The following MT1HL1 variants were observed in gnomAD, a reference collection of about 807,000 sequenced individuals.
The protein encoded by MT1HL1 is metallothionein 1H like 1.
MT1HL1 carries 2 observed loss-of-function variants against 1.3 expected under a neutral mutation model. The observed-to-expected ratio is 1.56, with a 90% confidence interval of 0.64 to 4.92. MT1HL1 has a LOEUF of 4.92. Among genes scored for constraint, MT1HL1 ranks in the 30% most tolerant of loss-of-function variants. The pLI is 0.06. For synonymous variants in MT1HL1, 32 were observed against 31.0 expected, an observed-to-expected ratio of 1.03 and a Z score of -0.10; for missense variants, 79 against 77.0, an observed-to-expected ratio of 1.03 and a Z score of -0.10.
chr1:237,004,259 G>A lies in MT1HL1; in HGVS notation c.114C>T (p.Pro38=), dbSNP rs772755661. 4 of 1,614,134 alleles carry A rather than the reference G, an allele frequency of 2.5e-6. No homozygotes were observed. The highest frequency in any genetic ancestry group is 4.5e-5 in the East Asian group (2 of 44,860). ...SCKKSCCSCC[P]LGCAKCAQGC... ...CCTGGGCACACTTGGCACAGCCCAG[G>A]GGGCAACAGGAGCAGCAGCTCTTCT... Residue 38 remains proline (P), a synonymous_variant, in exon 1 of 1, where the codon CCC becomes CCT. Transcript: ENST00000464121.
chr1:237,004,203 C>A lies in MT1HL1; in HGVS notation c.170G>T (p.Cys57Phe). ...GCIRKGASEKCSCCA is the reference protein window; with the variant it reads ...GCIRKGASEKFSCCA The stretch of plus-strand genomic sequence containing the variant: ...GTCCCGACATCAGGCACAGCAGCTG[C>A]ACTTTTCCGAAGCCCCTTTGCGGAT... The change falls in exon 1 of 1, where the codon TGC becomes TTC. Residue 57 changes from cysteine to phenylalanine, a missense_variant. Coordinates refer to ENST00000464121, the MANE Select transcript of MT1HL1 (RefSeq NM_001276687.2). 1 of 1,614,142 alleles carries A rather than the reference C, an allele frequency of 6.2e-7. No individual in the cohort carries two copies. The highest frequency in any genetic ancestry group is 8.5e-7 in the Non-Finnish European group (1 of 1,180,052).
rs755299091 is a variant in MT1HL1, at chr1:237,004,416, A to G, written c.-44T>C. On this transcript the variant is annotated 5_prime_UTR_variant, in exon 1 of 1. Coordinates refer to ENST00000464121, the MANE Select transcript of MT1HL1 (RefSeq NM_001276687.2). ...CGGCGTTCCCAAGCGAGAAGAGAAG[A>G]GGCAGTGGAACACGTGGAGGGCGTC... 7 of 1,613,650 alleles carry G rather than the reference A, an allele frequency of 4.3e-6. No individual in the cohort carries two copies. In the Admixed American group the frequency reaches 6.7e-5, roughly 15 times the overall value.
Position 237,004,364 on chromosome 1 carries a change from G to A in MT1HL1, c.9C>T (p.Pro3=), listed in dbSNP as rs1387476197. 6.2e-7 allele frequency: 1 copy of A among 1,613,680 alleles called. No individual in the cohort carries two copies. Among genetic ancestry groups the A allele is most frequent in the Non-Finnish European group, 8.5e-7 (1 of 1,180,030 alleles). ...AGCCTCCAGCGGCGCAGGAGCAGTT[G>A]GGGTCCATTGCAAGCCGAGGTGAGA... is the stretch of plus-strand genomic sequence containing the variant. MD[P]NCSCAAGGSY... is the part of the protein sequence containing the mutation. The change falls in exon 1 of 1, where the codon CCC becomes CCT. Residue 3 remains proline (P), a synonymous_variant. Transcript: ENST00000464121.
In MT1HL1 at chr1:237,004,343, T is replaced by G; in HGVS notation, c.30A>C (p.Gly10=). The G allele has an allele frequency of 6.2e-7, 1 of 1,613,338 alleles. No homozygotes were observed. Among genetic ancestry groups the G allele is most frequent in the Non-Finnish European group, 8.5e-7 (1 of 1,180,024 alleles). ...AGGAGCCGGCGCAGGCGTAGGAGCC[T>G]CCAGCGGCGCAGGAGCAGTTGGGGT... MDPNCSCAA[G]GSYACAGSCK... is the part of the protein sequence containing the mutation. Residue 10 remains glycine, a synonymous_variant, in exon 1 of 1, where the codon GGA becomes GGC. Transcript: ENST00000464121.
Position 237,004,201 on chromosome 1 carries a change from T to G in MT1HL1, c.172A>C (p.Ser58Arg). Residue 58 changes from serine to arginine, a missense_variant, in exon 1 of 1, where the codon AGC becomes CGC. Coordinates refer to ENST00000464121, the MANE Select transcript of MT1HL1 (RefSeq NM_001276687.2). The part of the protein sequence containing the change: ...CIRKGASEKC[S>R]CCA Reference sequence around the variant, plus strand: ...CAGTCCCGACATCAGGCACAGCAGCTGCACTTTTCCGAAGCCCCTTTGCGG... The same window carrying G: ...CAGTCCCGACATCAGGCACAGCAGCGGCACTTTTCCGAAGCCCCTTTGCGG... 3.7e-6 allele frequency: 6 copies of G among 1,614,134 alleles called. No homozygotes were observed. The highest frequency in any genetic ancestry group is 4.2e-6 in the Non-Finnish European group (5 of 1,180,044).
At position 237,004,394 on chromosome 1, in the gene MT1HL1, C is replaced by T. The variant is rs776846867; in HGVS notation, c.-22G>A. ...CCATTGCAAGCCGAGGTGAGACCGG[C>T]GTTCCCAAGCGAGAAGAGAAGAGGC... is the stretch of plus-strand genomic sequence containing the variant. On this transcript the variant is annotated 5_prime_UTR_variant, in exon 1 of 1. Coordinates refer to ENST00000464121, the MANE Select transcript of MT1HL1 (RefSeq NM_001276687.2). The T allele has an allele frequency of 9.9e-6, 16 of 1,613,308 alleles. 1 individual carries two copies. The South Asian group carries it at 1.2e-4, about 12-fold the overall frequency.
Position 237,004,411 on chromosome 1 carries a change from A to G in MT1HL1, c.-39T>C. ...GAGACCGGCGTTCCCAAGCGAGAAG[A>G]GAAGAGGCAGTGGAACACGTGGAGG... On this transcript the variant is annotated 5_prime_UTR_variant, in exon 1 of 1. Coordinates refer to ENST00000464121, the MANE Select transcript of MT1HL1 (RefSeq NM_001276687.2). The G allele has an allele frequency of 6.2e-7, 1 of 1,613,834 alleles. No homozygotes were observed. Among genetic ancestry groups the G allele is most frequent in the Non-Finnish European group, 8.5e-7 (1 of 1,180,042 alleles).
In MT1HL1 at chr1:237,004,246, TG is replaced by T. The variant is rs777065854; in HGVS notation, c.126del (p.Lys43SerfsTer?). The T allele has an allele frequency of 6.2e-7, 1 of 1,614,130 alleles. No homozygotes were observed. The highest frequency in any genetic ancestry group is 8.5e-7 in the Non-Finnish European group (1 of 1,180,032). ...TTGCGGATGCAGCCCTGGGCACACT[TG>T]GCACAGCCCAGGGGGCAACAGGAGC... ...SCCSCCPLGCAKCAQGCIRKG... is the reference protein window; with the variant it reads ...SCCSCCPLGCXKCAQGCIRKG... On this transcript the variant is annotated frameshift_variant, in exon 1 of 1. Coordinates refer to ENST00000464121, the MANE Select transcript of MT1HL1 (RefSeq NM_001276687.2). LOFTEE classifies it high-confidence loss of function.
In MT1HL1 at chr1:237,004,409, A is replaced by G. The variant is rs1658953998; in HGVS notation, c.-37T>C. 6.2e-7 allele frequency: 1 copy of G among 1,613,842 alleles called. No homozygotes were observed. Among genetic ancestry groups the G allele is most frequent in the Non-Finnish European group, 8.5e-7 (1 of 1,180,042 alleles). On this transcript the variant is annotated 5_prime_UTR_variant, in exon 1 of 1. Transcript: ENST00000464121. Reference sequence around the variant, plus strand: ...GTGAGACCGGCGTTCCCAAGCGAGAAGAGAAGAGGCAGTGGAACACGTGGA... The same window carrying G: ...GTGAGACCGGCGTTCCCAAGCGAGAGGAGAAGAGGCAGTGGAACACGTGGA...
chr1:237,004,103 G>A lies in MT1HL1; in HGVS notation c.*84C>T. ...ATTTCACAGAAAAAAGAGGAATGTA[G>A]CAAATGGGTCGGGGTTGTAGAAAAA... On this transcript the variant is annotated 3_prime_UTR_variant, in exon 1 of 1. Coordinates refer to ENST00000464121, the MANE Select transcript of MT1HL1 (RefSeq NM_001276687.2). 1 of 1,490,726 alleles carries A rather than the reference G, an allele frequency of 6.7e-7. No homozygotes were observed. The highest frequency in any genetic ancestry group is 1.4e-5 in the South Asian group (1 of 73,000). 92.3% of individuals were successfully genotyped at this position (1,490,726 alleles called of 1,614,324 possible). A position where few individuals can be genotyped will look rare whatever the true frequency, so the allele number is the denominator to read the frequency against.
Position 237,004,143 on chromosome 1 carries a change from T to A in MT1HL1, c.*44A>T, listed in dbSNP as rs748219298. 16 of 1,594,616 alleles carry A rather than the reference T, an allele frequency of 1.0e-5. No individual in the cohort carries two copies. The African/African-American group carries it at 2.2e-4, about 22-fold the overall frequency. ...TTGTAGAAAAAAAAATCCCGGACTT[T>A]ACGTGTCATTCTGTTTTCATCCGAG... On this transcript the variant is annotated 3_prime_UTR_variant, in exon 1 of 1. Coordinates refer to ENST00000464121, the MANE Select transcript of MT1HL1 (RefSeq NM_001276687.2).
Position 237,004,138 on chromosome 1 carries a change from G to C in MT1HL1, c.*49C>G. 3 of 1,581,734 alleles carry C rather than the reference G, an allele frequency of 1.9e-6. No individual in the cohort carries two copies. The highest frequency in any genetic ancestry group is 1.4e-5 in the African/African-American group (1 of 73,696). ...CGGGGTTGTAGAAAAAAAAATCCCGGACTTTACGTGTCATTCTGTTTTCAT... is the reference window on the plus strand; with the variant it reads ...CGGGGTTGTAGAAAAAAAAATCCCGCACTTTACGTGTCATTCTGTTTTCAT... On this transcript the variant is annotated 3_prime_UTR_variant, in exon 1 of 1. Transcript: ENST00000464121.
rs1658950238 is a variant in MT1HL1, at chr1:237,004,283, C to CG, written c.89_90insC (p.Lys30AsnfsTer46). 6.2e-7 allele frequency: 1 copy of CG among 1,614,008 alleles called. No homozygotes were observed. Among genetic ancestry groups the CG allele is most frequent in the South Asian group, 1.1e-5 (1 of 91,092 alleles). ...GGGGGCAACAGGAGCAGCAGCTCTT[C>CG]TTGCAGGAGGTGCATTTGCACTTTT... On this transcript the variant is annotated frameshift_variant, in exon 1 of 1. Coordinates refer to ENST00000464121, the MANE Select transcript of MT1HL1 (RefSeq NM_001276687.2). LOFTEE classifies it high-confidence loss of function.
rs776365840 is a variant in MT1HL1 at position 237,004,253 on chromosome 1, G to A, written c.120C>T (p.Gly40=). The A allele has an allele frequency of 6.2e-7, 1 of 1,614,154 alleles. No individual in the cohort carries two copies. Among genetic ancestry groups the A allele is most frequent in the South Asian group, 1.1e-5 (1 of 91,084 alleles). The stretch of plus-strand genomic sequence containing the variant: ...TGCAGCCCTGGGCACACTTGGCACA[G>A]CCCAGGGGGCAACAGGAGCAGCAGC... ...KKSCCSCCPL[G]CAKCAQGCIR... Residue 40 remains glycine (G), a synonymous_variant, in exon 1 of 1, where the codon GGC becomes GGT. Coordinates refer to ENST00000464121, the MANE Select transcript of MT1HL1 (RefSeq NM_001276687.2).
Position 237,004,138 on chromosome 1 carries a change from G to T in MT1HL1, c.*49C>A. 1 of 1,581,734 alleles carries T rather than the reference G, an allele frequency of 6.3e-7. No individual in the cohort carries two copies. Among genetic ancestry groups the T allele is most frequent in the Middle Eastern group, 1.7e-4 (1 of 5,912 alleles). Reference sequence around the variant, plus strand: ...CGGGGTTGTAGAAAAAAAAATCCCGGACTTTACGTGTCATTCTGTTTTCAT... The same window carrying T: ...CGGGGTTGTAGAAAAAAAAATCCCGTACTTTACGTGTCATTCTGTTTTCAT... On this transcript the variant is annotated 3_prime_UTR_variant, in exon 1 of 1. Transcript: ENST00000464121.
In MT1HL1 at chr1:237,004,224, C is replaced by T. The variant is rs186139311; in HGVS notation, c.149G>A (p.Arg50His). Residue 50 changes from arginine (R) to histidine (H), a missense_variant, in exon 1 of 1, where the codon CGC (arginine) becomes CAC (histidine). Arg to His is a conservative substitution (Grantham distance 29, BLOSUM62 0). Transcript: ENST00000464121. ...GCTGCACTTTTCCGAAGCCCCTTTG[C>T]GGATGCAGCCCTGGGCACACTTGGC... is the stretch of plus-strand genomic sequence containing the variant. ...GCAKCAQGCIRKGASEKCSCC... is the reference protein window; with the variant it reads ...GCAKCAQGCIHKGASEKCSCC... The T allele has an allele frequency of 2.7e-4, 441 of 1,614,080 alleles. 4 individuals are homozygous for T. The African/African-American group carries it at 5.0e-3, about 18-fold the overall frequency.
At position 237,004,408 on chromosome 1, in the gene MT1HL1, A is replaced by G. The variant is rs549577789; in HGVS notation, c.-36T>C. On this transcript the variant is annotated 5_prime_UTR_variant, in exon 1 of 1. Transcript: ENST00000464121. ...GGTGAGACCGGCGTTCCCAAGCGAG[A>G]AGAGAAGAGGCAGTGGAACACGTGG... 2 of 1,613,820 alleles carry G rather than the reference A, an allele frequency of 1.2e-6. No homozygotes were observed. The highest frequency in any genetic ancestry group is 1.1e-5 in the South Asian group (1 of 91,068).
rs768482574 is a variant in MT1HL1 at position 237,004,244 on chromosome 1, C to T, written c.129G>A (p.Lys43=). The T allele has an allele frequency of 2.5e-6, 4 of 1,614,158 alleles. 1 individual carries two copies. In the South Asian group the frequency reaches 4.4e-5, roughly 18 times the overall value. The change falls in exon 1 of 1, where the codon AAG becomes AAA. Residue 43 remains lysine, a synonymous_variant. Coordinates refer to ENST00000464121, the MANE Select transcript of MT1HL1 (RefSeq NM_001276687.2). The part of the protein sequence containing the change: ...CCSCCPLGCA[K]CAQGCIRKGA... The stretch of plus-strand genomic sequence containing the variant: ...CTTTGCGGATGCAGCCCTGGGCACA[C>T]TTGGCACAGCCCAGGGGGCAACAGG...
chr1:237,004,336 A>C lies in MT1HL1; in HGVS notation c.37T>G (p.Tyr13Asp), dbSNP rs767255297. 1 of 1,614,010 alleles carries C rather than the reference A, an allele frequency of 6.2e-7. No homozygotes were observed. The highest frequency in any genetic ancestry group is 1.1e-5 in the South Asian group (1 of 91,082). ...PNCSCAAGGSYACAGSCKCKK... is the reference protein window; with the variant it reads ...PNCSCAAGGSDACAGSCKCKK... Reference sequence around the variant, plus strand: ...CACTTGCAGGAGCCGGCGCAGGCGTAGGAGCCTCCAGCGGCGCAGGAGCAG... The same window carrying C: ...CACTTGCAGGAGCCGGCGCAGGCGTCGGAGCCTCCAGCGGCGCAGGAGCAG... The change falls in exon 1 of 1, where the codon TAC becomes GAC. Residue 13 changes from tyrosine (Y) to aspartate (D), a missense_variant. Coordinates refer to ENST00000464121, the MANE Select transcript of MT1HL1 (RefSeq NM_001276687.2).
Sources: gnomAD v4.1 joint callset for allele counts on GRCh38, gnomAD v4.1.1 for gene constraint, MANE v1.5 for transcripts, NCBI Gene and HGNC (gene_info 2026-07-23, HGNC 2026-07-21) for gene names.